TM9SF4: variants seen among roughly 807,000 people sequenced by gnomAD.
The protein encoded by TM9SF4 is transmembrane 9 superfamily member 4.
TM9SF4 carries 26 observed loss-of-function variants against 90.4 expected under a neutral mutation model. That is an observed-to-expected ratio of 0.29 (90% CI 0.21 to 0.40). The LOEUF (loss-of-function observed/expected upper bound fraction) is 0.40. Ranked by LOEUF, TM9SF4 falls within the 10% of genes least tolerant of loss-of-function variation. The probability of loss-of-function intolerance (pLI) is 1.00; values close to 1 mark genes in which losing one functional copy is unlikely to be tolerated. For synonymous variants in TM9SF4, 293 were observed against 315.4 expected (o/e 0.93, Z 0.75); for missense variants, 549 against 834.8 (o/e 0.66, Z 4.22).
chr20:32,150,077 G>A (rs2046819647), intron 10 of TM9SF4, among the ~76,000 whole-genome samples: 1 of 152,198 alleles, frequency 6.6e-6, no homozygotes, highest in African/African-American at 2.4e-5. Context: ...CCCAAAGTCA[G>A]TACCAGGATT....
rs373010226 is a variant in TM9SF4 at position 32,141,734 on chromosome 20, G to T, written c.399-32G>T. ...GAGGACACTGACGGGAGAGGCGGTC[G>T]AGAGGGACTGAGTGGGGCCTTCACT... On this transcript the variant is annotated intron_variant, in intron 4 of 17. Transcript: ENST00000398022. The T allele has an allele frequency of 1.9e-6, 3 of 1,613,488 alleles. No individual in the cohort carries two copies. In the South Asian group the frequency reaches 3.3e-5, roughly 18 times the overall value.
intron 1 of TM9SF4, among the ~76,000 whole-genome samples, chr20:32,118,601 GTATTTATTTATTTATTTATT>G (rs72123388): frequency 0.1 from 14,610 of 146,222 alleles, 1,512 homozygotes; most frequent in African/African-American, 0.26. Flanking sequence ...TTATTTTGTT[GTATTTATTTATTTATTTATT>G]TATTTATTTA....
chr20:32,145,289 A>G (rs541011990), intron 7 of TM9SF4, 23 bp from the exon 8 acceptor site: 2 of 1,613,126 alleles, frequency 1.2e-6, no homozygotes, highest in South Asian at 2.2e-5. Flanking sequence ...GCCTGACTCT[A>G]AGTGCTTCCT....
At chr20:32,158,050 C>T (rs1021248813) in intron 14 of TM9SF4, 81 bp downstream of exon 14, 19 of 1,555,014 alleles carry the variant, frequency 1.2e-5, no homozygotes, top group Non-Finnish European at 1.6e-5. Flanking sequence ...GTGCGGCAAC[C>T]AGAGTTCCTG....
At chr20:32,139,148 C>T (rs1342344512) in intron 3 of TM9SF4, among the ~76,000 whole-genome samples, 1 of 152,188 alleles carries the variant, frequency 6.6e-6, no homozygotes, top group African/African-American at 2.4e-5. Flanking sequence ...TTGCCAGGGC[C>T]GCTACTTTGC....
intron 1 of TM9SF4, among the ~76,000 whole-genome samples, chr20:32,127,540 C>T (rs1246132885): frequency 6.6e-6 from 1 of 152,202 alleles, no homozygotes; most frequent in African/African-American, 2.4e-5. Flanking sequence ...CCCGGTCTGT[C>T]ACTGTGCCTT....
chr20:32,165,188 TG>T, intron 17 of TM9SF4, 106 bp from the exon 18 acceptor site: 1 of 1,493,558 alleles, frequency 6.7e-7, no homozygotes, highest in Non-Finnish European at 9.2e-7. Flanking sequence ...CCCCTTCCCC[TG>T]GCCAGGCCTC....
chr20:32,160,030 C>T lies in TM9SF4; in HGVS notation c.1608C>T (p.Phe536=), dbSNP rs770207623. 12 of 1,614,114 alleles carry T rather than the reference C, an allele frequency of 7.4e-6. No individual in the cohort carries two copies. The highest frequency in any genetic ancestry group is 6.7e-5 in the African/African-American group (5 of 74,938). ...WENQFYYLFG[F]LFLVFIILVV... ...ATCAGTTCTATTACCTCTTTGGCTT[C>T]CTGTTCCTTGTTTTCATCATCCTGG... Residue 536 remains phenylalanine (F), a synonymous_variant, in exon 16 of 18, where the codon TTC becomes TTT. Coordinates refer to ENST00000398022, the MANE Select transcript of TM9SF4 (RefSeq NM_014742.4).
chr20:32,127,878 A>G (rs2122357715), intron 1 of TM9SF4, among the ~76,000 whole-genome samples: 1 of 152,332 alleles, frequency 6.6e-6, no homozygotes, highest in South Asian at 2.1e-4. Context: ...GATCCCCTGC[A>G]CTGGTTTCAA....
chr20:32,116,987 C>T (rs66773564), intron 1 of TM9SF4, among the ~76,000 whole-genome samples: 16,411 of 149,346 alleles, frequency 0.11, 1,140 homozygotes, highest in East Asian at 0.18. Flanking sequence ...TGGGAAATGC[C>T]GAGGTCGGAG....
intron 1 of TM9SF4, among the ~76,000 whole-genome samples, chr20:32,113,901 A>G (rs1340626095): frequency 6.6e-6 from 1 of 152,216 alleles, no homozygotes; most frequent in East Asian, 1.9e-4. Flanking sequence ...TTATACAAAG[A>G]TAATTATATA....
chr20:32,145,053 G>T (rs745714803), intron 6 of TM9SF4, 38 bp from the exon 7 acceptor site: 3 of 1,601,490 alleles, frequency 1.9e-6, no homozygotes, highest in Non-Finnish European at 2.6e-6. Flanking sequence ...AGTGGCACTG[G>T]CCACCACAGG....
intron 6 of TM9SF4, among the ~76,000 whole-genome samples, chr20:32,143,572 C>G (rs1401428029): frequency 6.6e-6 from 1 of 152,176 alleles, no homozygotes; most frequent in Non-Finnish European, 1.5e-5. Context: ...TGCCCAGGGT[C>G]AACAGGTGTG....
Position 32,166,736 on chromosome 20 carries a change from C to T in TM9SF4, c.*1292C>T, listed in dbSNP as rs2047104146. On this transcript the variant is annotated 3_prime_UTR_variant, in exon 18 of 18. Coordinates refer to ENST00000398022, the MANE Select transcript of TM9SF4 (RefSeq NM_014742.4). The stretch of plus-strand genomic sequence containing the variant: ...TCTTTTCAACCTCTGCCCACCCGTG[C>T]ATGTCATCACAAACATTTGCTCTTA... The T allele has an allele frequency of 6.6e-6, 1 of 152,250 alleles. No individual in the cohort carries two copies. Among genetic ancestry groups the T allele is most frequent in the Non-Finnish European group, 1.5e-5 (1 of 68,088 alleles). The allele number at this position is 152,250 out of a possible 1,614,324, so 9.4% of individuals were successfully genotyped here. A position where few individuals can be genotyped will look rare whatever the true frequency, so the allele number is the denominator to read the frequency against.
In TM9SF4 at chr20:32,145,171, G is replaced by A. The variant is rs1468153905; in HGVS notation, c.733G>A (p.Glu245Lys). 6.2e-7 allele frequency: 1 copy of A among 1,614,210 alleles called. No homozygotes were observed. The highest frequency in any genetic ancestry group is 1.3e-5 in the African/African-American group (1 of 75,056). Residue 245 changes from glutamate (E) to lysine (K), a missense_variant, in exon 7 of 18, where the codon GAG becomes AAG. This residue lies in a region of TM9SF4 where 495 missense variants were observed against 711.7 expected (regional missense o/e 0.70). Transcript: ENST00000398022. The part of the protein sequence containing the change: ...SSPQEIDPTK[E>K]NQLYFTYSVH... The stretch of plus-strand genomic sequence containing the variant: ...GCCCCAAGAAATTGACCCCACCAAG[G>A]AGAATCAGCTGTACTTCACCTACTC...
At chr20:32,163,583 C>T (rs922111422) in intron 17 of TM9SF4, among the ~76,000 whole-genome samples, 4 of 150,404 alleles carry the variant, frequency 2.7e-5, no homozygotes, top group Non-Finnish European at 5.9e-5. Flanking sequence ...TTCAGACAGA[C>T]TGGCTTAGGT....
At chr20:32,163,606 ATTTT>A (rs397866148) in intron 17 of TM9SF4, among the ~76,000 whole-genome samples, 1 of 99,350 alleles carries the variant, frequency 1.0e-5, no homozygotes, top group African/African-American at 4.3e-5. Context: ...TGTGCTAGGA[ATTTT>A]TTTTTTTTTT....
At chr20:32,121,172 A>G (rs1351501957) in intron 1 of TM9SF4, among the ~76,000 whole-genome samples, 3 of 150,096 alleles carry the variant, frequency 2.0e-5, no homozygotes, top group Non-Finnish European at 3.0e-5. Context: ...TACATAAACT[A>G]CATAAACCCG....
chr20:32,110,153 C>T, intron 1 of TM9SF4: 1 of 818,504 alleles, frequency 1.2e-6, no homozygotes, highest in Non-Finnish European at 1.6e-6. Flanking sequence ...CTCCCCGCCT[C>T]CCCACCATCA....
Sources: gnomAD v4.1 joint callset for allele counts (sites outside exome capture counted in the v4.1 genomes callset) on GRCh38, gnomAD v4.1.1 for gene constraint, gnomAD v4.1.1 regional missense constraint, MANE v1.5 for transcripts, NCBI Gene and HGNC (gene_info 2026-07-23, HGNC 2026-07-21) for gene names.